The following JARID2 variants were observed in gnomAD, a reference collection of about 807,000 sequenced individuals.
JARID2 encodes the protein jumonji and AT-rich interaction domain containing 2.
A neutral mutation model predicts 125.6 loss-of-function variants in JARID2; 21 were observed. The ratio of observed to expected loss-of-function variants is 0.17; its 90% CI spans 0.12 to 0.24. JARID2 has a LOEUF of 0.24. Ranked by LOEUF, JARID2 falls within the 10% of genes least tolerant of loss-of-function variation. JARID2 has a pLI of 1.00. For missense variants in JARID2, 1,303 were observed against 1,639.6 expected, an observed-to-expected ratio of 0.79 and a Z score of 3.55; for synonymous variants, 736 against 661.6, an observed-to-expected ratio of 1.11 and a Z score of -1.73.
intron 1 of JARID2, among the ~76,000 whole-genome samples, chr6:15,357,784 G>C (rs547121932): frequency 6.6e-6 from 1 of 152,246 alleles, no homozygotes; most frequent in Non-Finnish European, 1.5e-5. Flanking sequence ...ATGCTATGTT[G>C]TGTCTTTTAG....
At chr6:15,311,757 T>C (rs1715516579) in intron 1 of JARID2, among the ~76,000 whole-genome samples, 1 of 151,976 alleles carries the variant, frequency 6.6e-6, no homozygotes, top group African/African-American at 2.4e-5. Context: ...TCTTTTTTCT[T>C]GTAATATTTT....
At chr6:15,501,975 TTC>T (rs1487682493) in intron 8 of JARID2, among the ~76,000 whole-genome samples, 4 of 152,192 alleles carry the variant, frequency 2.6e-5, no homozygotes, top group African/African-American at 4.8e-5. Context: ...TGCGCTTGTT[TTC>T]TCTGTTTTCT....
rs761857077 is a variant in JARID2 at position 15,374,264 on chromosome 6, C to G, written c.181+12C>G. The G allele has an allele frequency of 1.2e-6, 2 of 1,612,904 alleles. No homozygotes were observed. Among genetic ancestry groups the G allele is most frequent in the Admixed American group, 1.7e-5 (1 of 59,918 alleles). On this transcript the variant is annotated intron_variant, in intron 2 of 17. Transcript: ENST00000341776. ...GAAAACTGTGAATGGTGAGTTGACT[C>G]TTGGAATATCTCATTGGAATGTACA...
chr6:15,346,667 G>C (rs1763253984), intron 1 of JARID2, among the ~76,000 whole-genome samples: 1 of 151,904 alleles, frequency 6.6e-6, no homozygotes, highest in African/African-American at 2.4e-5. Context: ...TGTTTGTTCT[G>C]CTCTAACAAC....
chr6:15,411,933 C>T (rs2237148), intron 3 of JARID2, among the ~76,000 whole-genome samples: 136,973 of 152,256 alleles, frequency 0.9, 61,709 homozygotes, highest in African/African-American at 0.95. Flanking sequence ...CCCTAACTCA[C>T]TGTGATTCTC....
At chr6:15,458,594 A>G (rs559925287) in intron 4 of JARID2, among the ~76,000 whole-genome samples, 14 of 152,210 alleles carry the variant, frequency 9.2e-5, no homozygotes, top group Admixed American at 3.9e-4. Flanking sequence ...CTAGACACCT[A>G]GAAAACAGAT....
At chr6:15,505,749 G>A (rs1473153212) in intron 9 of JARID2, among the ~76,000 whole-genome samples, 1 of 152,278 alleles carries the variant, frequency 6.6e-6, no homozygotes, top group Non-Finnish European at 1.5e-5. Context: ...CTGTGGTCAT[G>A]ATTACCGTGC....
intron 4 of JARID2, among the ~76,000 whole-genome samples, chr6:15,464,102 TC>T (rs1178372506): frequency 6.6e-6 from 1 of 152,240 alleles, no homozygotes; most frequent in African/African-American, 2.4e-5. Context: ...TCCTTTTCTA[TC>T]GCTGTGACCA....
intron 5 of JARID2, among the ~76,000 whole-genome samples, chr6:15,486,824 T>TTTTTTTTTTTTA (rs1769890864): frequency 1.3e-5 from 2 of 148,178 alleles, no homozygotes; most frequent in Admixed American, 1.3e-4. Context: ...TTTTTTTTTT[T>TTTTTTTTTTTTA]GAGACAGAGT....
intron 5 of JARID2, 138 bp downstream of exon 5, chr6:15,468,856 C>G (rs1443043048): frequency 3.9e-6 from 3 of 760,800 alleles, no homozygotes; most frequent in Non-Finnish European, 6.3e-6. Context: ...ACTTCATGGG[C>G]AAAGGGATTA....
chr6:15,416,140 A>AAG (rs1766192568), intron 3 of JARID2, among the ~76,000 whole-genome samples: 1 of 141,076 alleles, frequency 7.1e-6, no homozygotes, highest in African/African-American at 2.7e-5. Context: ...GGCGGCCGGG[A>AAG]AGAGGCGCTC....
At chr6:15,445,846 T>C (rs751657173) in intron 3 of JARID2, among the ~76,000 whole-genome samples, 6 of 152,224 alleles carry the variant, frequency 3.9e-5, no homozygotes, top group Non-Finnish European at 8.8e-5. Context: ...GGGAGGGCCA[T>C]GTAGGCTGGT....
intron 4 of JARID2, among the ~76,000 whole-genome samples, chr6:15,462,054 A>G (rs1412957443): frequency 6.6e-6 from 1 of 152,230 alleles, no homozygotes; most frequent in Non-Finnish European, 1.5e-5. Flanking sequence ...CATACCAGAA[A>G]GGACATTAAG....
intron 2 of JARID2, among the ~76,000 whole-genome samples, chr6:15,377,121 T>C (rs774762262): frequency 2.6e-5 from 4 of 152,136 alleles, no homozygotes; most frequent in Non-Finnish European, 2.9e-5. Context: ...AATCAGAAGA[T>C]AGGTTAGTGG....
chr6:15,497,432 C>T (rs896329808), intron 7 of JARID2, among the ~76,000 whole-genome samples: 17 of 152,024 alleles, frequency 1.1e-4, no homozygotes, highest in African/African-American at 3.4e-4. Context: ...GAGGCTGAGG[C>T]GGGCAGATCA....
intron 1 of JARID2, among the ~76,000 whole-genome samples, chr6:15,308,962 A>G (rs1468114594): frequency 2.0e-5 from 3 of 152,344 alleles, no homozygotes; most frequent in East Asian, 1.9e-4. Context: ...GTAGTTGAAC[A>G]TGAGTGACCT....
At chr6:15,247,793 A>G in intron 1 of JARID2, 1 of 985,466 alleles carries the variant, frequency 1.0e-6, no homozygotes, top group African/African-American at 1.7e-5. Flanking sequence ...GCAAGGTTAA[A>G]TAATCAAGCC....
At chr6:15,339,005 A>G (rs2127465691) in intron 1 of JARID2, among the ~76,000 whole-genome samples, 1 of 152,294 alleles carries the variant, frequency 6.6e-6, no homozygotes, top group Admixed American at 6.5e-5. Flanking sequence ...TGCAAGCAGC[A>G]GAGAGATTTG....
intron 17 of JARID2, among the ~76,000 whole-genome samples, chr6:15,519,483 C>T (rs984182461): frequency 1.3e-5 from 2 of 152,032 alleles, no homozygotes; most frequent in African/African-American, 4.8e-5. Flanking sequence ...ACCCGTGGCC[C>T]AGAGAGATGC....
Sources: gnomAD v4.1 joint callset for allele counts (sites outside exome capture counted in the v4.1 genomes callset) on GRCh38, gnomAD v4.1.1 for gene constraint, MANE v1.5 for transcripts, NCBI Gene and HGNC (gene_info 2026-07-23, HGNC 2026-07-21) for gene names.